Variants in TCAIM observed in about 807,000 individuals in gnomAD.
The protein encoded by TCAIM is T-cell activation inhibitor, mitochondrial.
Under a neutral mutation model 58.6 loss-of-function variants are expected in TCAIM, and 36 were observed. The ratio of observed to expected loss-of-function variants is 0.61; its 90% confidence interval spans 0.47 to 0.81. TCAIM has a LOEUF of 0.81. Among genes scored for constraint, TCAIM ranks in the 30% least tolerant of loss-of-function variants. TCAIM has a pLI of 0.00. For missense variants in TCAIM, 466 were observed against 579.6 expected (o/e 0.80, Z 2.01); for synonymous variants, 172 against 193.6 (o/e 0.89, Z 0.93).
Position 44,354,746 on chromosome 3 carries a change from T to C in TCAIM, c.-37T>C. Reference sequence around the variant, plus strand: ...ATCTGCTTAACTTTTAAGCAATTAATGGATGCCTCGAAGTTGACGTACATA... The same window carrying C: ...ATCTGCTTAACTTTTAAGCAATTAACGGATGCCTCGAAGTTGACGTACATA... On this transcript the variant is annotated 5_prime_UTR_variant, in exon 2 of 11. The change abolishes an upstream ATG in the 5' untranslated region. Transcript: ENST00000342649. 1.3e-6 allele frequency: 2 copies of C among 1,599,686 alleles called. No individual in the cohort carries two copies. The highest frequency in any genetic ancestry group is 1.7e-6 in the Non-Finnish European group (2 of 1,176,064).
At chr3:44,350,093 AC>A (rs1701056364) in intron 1 of TCAIM, among the ~76,000 whole-genome samples, 1 of 152,070 alleles carries the variant, frequency 6.6e-6, no homozygotes, top group Non-Finnish European at 1.5e-5. Flanking sequence ...CTTTTTAATC[AC>A]CTGGGTGCAG....
intron 5 of TCAIM, among the ~76,000 whole-genome samples, chr3:44,384,825 G>C (rs935911467): frequency 7.2e-5 from 11 of 152,172 alleles, no homozygotes; most frequent in Non-Finnish European, 1.5e-4. Context: ...CAAAGGCTTT[G>C]GTCACGTCAT....
intron 8 of TCAIM, among the ~76,000 whole-genome samples, chr3:44,398,445 TTAGATAGATAGATAGATAGA>T (rs58163075): frequency 5.7e-4 from 83 of 145,344 alleles, no homozygotes; most frequent in South Asian, 2.5e-3. Context: ...GATACAAAGA[TTAGATAGATAGATAGATAGA>T]TAGATAGATA....
In TCAIM at chr3:44,380,042, A is replaced by G. The variant is rs1006570016; in HGVS notation, c.572+12334A>G. Among the ~76,000 whole-genome samples the G allele has an allele frequency of 2.0e-5, 3 of 152,138 alleles. No individual in the cohort carries two copies. In the East Asian group the frequency reaches 5.8e-4, roughly 29 times the overall value. ...CACATGAGCCCCAGACCTAAAATAA[A>G]AAAAAAATTAAGAATTTTAACTCAA... On this transcript the variant is annotated intron_variant, in intron 5 of 10. Transcript: ENST00000342649.
intron 1 of TCAIM, among the ~76,000 whole-genome samples, chr3:44,342,902 C>T (rs1234109667): frequency 3.3e-5 from 5 of 151,706 alleles, no homozygotes; most frequent in Non-Finnish European, 5.9e-5. Context: ...TTTGGGAGGC[C>T]GAGGAAGGAG....
intron 2 of TCAIM, among the ~76,000 whole-genome samples, chr3:44,355,238 T>C (rs946322920): frequency 2.6e-5 from 3 of 113,936 alleles, no homozygotes; most frequent in Non-Finnish European, 6.0e-5. Flanking sequence ...TTGTTCAATT[T>C]GGATAGGTAA....
chr3:44,398,680 C>T (rs1026547407), intron 8 of TCAIM, among the ~76,000 whole-genome samples: 1 of 152,160 alleles, frequency 6.6e-6, no homozygotes, highest in Non-Finnish European at 1.5e-5. Context: ...CCAGCAGTCA[C>T]CCTTGGGTAT....
intron 10 of TCAIM, among the ~76,000 whole-genome samples, chr3:44,405,727 G>T (rs182076449): frequency 6.6e-6 from 1 of 151,710 alleles, no homozygotes; most frequent in Non-Finnish European, 1.5e-5. Flanking sequence ...AGGCTGAGGC[G>T]GGTGGATCAC....
intron 5 of TCAIM, among the ~76,000 whole-genome samples, chr3:44,378,796 CAAA>C (rs777858437): frequency 1.6e-5 from 2 of 121,650 alleles, no homozygotes; most frequent in African/African-American, 5.9e-5. Flanking sequence ...GACTCTGTCT[CAAA>C]AAAAAAAAAA....
At chr3:44,392,264 T>A (rs139978031) in intron 5 of TCAIM, among the ~76,000 whole-genome samples, 230 of 152,324 alleles carry the variant, frequency 1.5e-3, no homozygotes, top group African/African-American at 5.1e-3. Flanking sequence ...AAGGTTTGAT[T>A]GAAAACTCAG....
rs1016778625 is a variant in TCAIM, at chr3:44,389,760, A to G, written c.573-3095A>G. Among the ~76,000 whole-genome samples, 5 of 147,332 alleles carry G rather than the reference A, an allele frequency of 3.4e-5. 1 individual carries two copies. The highest frequency in any genetic ancestry group is 3.4e-4 in the Admixed American group (5 of 14,768). On this transcript the variant is annotated intron_variant, in intron 5 of 10. Transcript: ENST00000342649. ...AGTCATTGAATTAAAAAAAAAAAACATCGAACACTTTCACCTAGAGGATAA... is the reference window on the plus strand; with the variant it reads ...AGTCATTGAATTAAAAAAAAAAAACGTCGAACACTTTCACCTAGAGGATAA...
chr3:44,388,421 A>G (rs1157193522), intron 5 of TCAIM, among the ~76,000 whole-genome samples: 1 of 152,094 alleles, frequency 6.6e-6, no homozygotes, highest in Non-Finnish European at 1.5e-5. Context: ...CCATTTGTTT[A>G]TCTGATGTTT....
chr3:44,394,915 AAAAAAAATATATATAT>A (rs1701903033), intron 6 of TCAIM, among the ~76,000 whole-genome samples: 1 of 45,382 alleles, frequency 2.2e-5, no homozygotes. Flanking sequence ...AAAAAAAAAA[AAAAAAAATATATATAT>A]ATATATATAT....
At chr3:44,372,750 C>T (rs1453252156) in intron 5 of TCAIM, among the ~76,000 whole-genome samples, 1 of 151,998 alleles carries the variant, frequency 6.6e-6, no homozygotes, top group Admixed American at 6.6e-5. Flanking sequence ...CCTGCCACCA[C>T]ACCCGGCTAA....
intron 1 of TCAIM, among the ~76,000 whole-genome samples, chr3:44,354,272 TATTC>T (rs1375431632): frequency 6.6e-6 from 1 of 152,250 alleles, no homozygotes; most frequent in Non-Finnish European, 1.5e-5. Context: ...TTCATGGATC[TATTC>T]ATTCTTTCAC....
At chr3:44,395,931 G>T (rs1156798952) in intron 6 of TCAIM, among the ~76,000 whole-genome samples, 1 of 152,216 alleles carries the variant, frequency 6.6e-6, no homozygotes, top group African/African-American at 2.4e-5. Flanking sequence ...AGGCTGCAGT[G>T]AGCCGTGATT....
intron 6 of TCAIM, 35 bp from the exon 7 acceptor site, chr3:44,396,365 A>G (rs1423527750): frequency 6.3e-7 from 1 of 1,584,774 alleles, no homozygotes; most frequent in East Asian, 2.2e-5. Context: ...TCAGGGTGCC[A>G]CTTGTTAACA....
At chr3:44,395,271 T>A (rs973000326) in intron 6 of TCAIM, among the ~76,000 whole-genome samples, 1 of 152,132 alleles carries the variant, frequency 6.6e-6, no homozygotes, top group Non-Finnish European at 1.5e-5. Context: ...AAAAAAACAA[T>A]TTTTTAAACA....
intron 5 of TCAIM, among the ~76,000 whole-genome samples, chr3:44,373,490 A>G (rs1218311091): frequency 1.2e-5 from 1 of 83,376 alleles, no homozygotes; most frequent in Non-Finnish European, 2.7e-5. Flanking sequence ...CCCCATCTCT[A>G]TTAAAAAAAA....
Sources: allele counts gnomAD v4.1 joint callset (sites outside exome capture counted in the v4.1 genomes callset), GRCh38; gene constraint gnomAD v4.1.1; transcripts MANE v1.5; gene names NCBI Gene and HGNC (gene_info 2026-07-23, HGNC 2026-07-21).